Variants in KIF23 observed in about 807,000 individuals in gnomAD.
KIF23 encodes the protein kinesin family member 23.
KIF23 carries 30 observed loss-of-function variants against 137.5 expected under a neutral mutation model. The observed-to-expected ratio is 0.22, with a 90% CI of 0.16 to 0.30. The LOEUF is 0.30. Among genes scored for constraint, KIF23 ranks in the 10% least tolerant of loss-of-function variants. The probability of loss-of-function intolerance (pLI) is 1.00; values close to 1 mark genes in which losing one functional copy is unlikely to be tolerated. For missense variants in KIF23, 920 were observed against 1,194.3 expected (o/e 0.77, Z 3.38); for synonymous variants, 367 against 391.1 (o/e 0.94, Z 0.73).
intron 11 of KIF23, among the ~76,000 whole-genome samples, chr15:69,433,272 A>G (rs2057398098): frequency 6.6e-6 from 1 of 152,248 alleles, no homozygotes; most frequent in Admixed American, 6.5e-5. Context: ...GCCAAGGGTG[A>G]AAGCATAATC....
rs1379403796 is a variant in KIF23, at chr15:69,444,612, G to C, written c.2422-178G>C. On this transcript the variant is annotated intron_variant, in intron 19 of 23. Transcript: ENST00000679126. The surrounding 1 kb of genome is among the most constrained non-coding windows in gnomAD (Gnocchi z 4.2). ...AGATAGAATGTGTAACATACAAGTT[G>C]GTGTTAAAGATGTTTGTTGGTTTTG... The C allele has an allele frequency of 1.6e-6, 1 of 611,650 alleles. No individual in the cohort carries two copies. Among genetic ancestry groups the C allele is most frequent in the Non-Finnish European group, 2.8e-6 (1 of 361,204 alleles). The allele number at this position is 611,650 out of a possible 1,614,324, so 37.9% of individuals were successfully genotyped here. A position where few individuals can be genotyped will look rare whatever the true frequency, so the allele number is the denominator to read the frequency against.
At chr15:69,422,958 G>C (rs557767472) in intron 6 of KIF23, 5 of 412,404 alleles carry the variant, frequency 1.2e-5, no homozygotes, top group Non-Finnish European at 1.3e-5. Flanking sequence ...ACGCCACCAT[G>C]CCCGGCTAAT....
At position 69,434,826 on chromosome 15, in the gene KIF23, G is replaced by GCA. The variant is rs1460135382; in HGVS notation, c.1115-656_1115-655dup. 6 of 948,050 alleles carry GCA rather than the reference G, an allele frequency of 6.3e-6. No homozygotes were observed. The African/African-American group carries it at 9.7e-5, about 15-fold the overall frequency. 58.7% of individuals were successfully genotyped at this position (948,050 alleles called of 1,614,324 possible). A position where few individuals can be genotyped will look rare whatever the true frequency, so the allele number is the denominator to read the frequency against. Reference sequence around the variant, plus strand: ...CTTGCACTCATCCTGCACGTCCCTGGCAGTAATGTCCAGGCACAGGGCATA... The same window carrying GCA: ...CTTGCACTCATCCTGCACGTCCCTGGCACAGTAATGTCCAGGCACAGGGCATA... On this transcript the variant is annotated intron_variant, in intron 11 of 23. Transcript: ENST00000679126.
chr15:69,426,288 T>G, intron 9 of KIF23, 48 bp from the exon 10 acceptor site: 1 of 1,610,174 alleles, frequency 6.2e-7, no homozygotes, highest in Non-Finnish European at 8.5e-7. Context: ...GCATGTATAA[T>G]GAAATGACTG....
Position 69,439,782 on chromosome 15 carries a change from T to G in KIF23, c.1756-122T>G, listed in dbSNP as rs145838666. On this transcript the variant is annotated intron_variant, in intron 16 of 23. Transcript: ENST00000679126. ...TCAGATGAAATGTTAGAGAAAAAAG[T>G]GCTTTCTCCATGATGTTTCTTTCCA... 9.6e-5 allele frequency: 58 copies of G among 605,872 alleles called. No homozygotes were observed. In the African/African-American group the frequency reaches 1.0e-3, roughly 11 times the overall value. 37.5% of individuals were successfully genotyped at this position (605,872 alleles called of 1,614,324 possible).
intron 3 of KIF23, among the ~76,000 whole-genome samples, chr15:69,421,193 C>T (rs1230643602): frequency 2.0e-5 from 3 of 151,988 alleles, no homozygotes; most frequent in Admixed American, 1.3e-4. Flanking sequence ...AGGAGTTTGA[C>T]ACCAGCCTAA....
intron 6 of KIF23, chr15:69,422,860 G>A (rs2057093279): frequency 3.3e-6 from 1 of 299,498 alleles, no homozygotes; most frequent in Non-Finnish European, 6.2e-6. Context: ...GAGTGCAGTG[G>A]CATGATCTCG....
At chr15:69,436,534 C>T in intron 14 of KIF23, 30 bp from the exon 15 acceptor site, 3 of 1,569,018 alleles carry the variant, frequency 1.9e-6, no homozygotes, top group Non-Finnish European at 1.7e-6. Flanking sequence ...TCCTATGTAA[C>T]TTTTTGTAAT....
rs371849851 is a variant in KIF23, at chr15:69,440,183, G to A, written c.1929+106G>A. 143 of 1,497,708 alleles carry A rather than the reference G, an allele frequency of 9.5e-5. 4 individuals are homozygous for A. The highest frequency in any genetic ancestry group is 9.1e-4 in the East Asian group (40 of 44,080). The allele number at this position is 1,497,708 out of a possible 1,614,324, so 92.8% of individuals were successfully genotyped here. ...TTGTATTTGCGGTAGGGTTTTGGTGGTGGTTGTTAACTCTCAGGAAGAATT... is the reference window on the plus strand; with the variant it reads ...TTGTATTTGCGGTAGGGTTTTGGTGATGGTTGTTAACTCTCAGGAAGAATT... On this transcript the variant is annotated intron_variant, in intron 17 of 23. Coordinates refer to ENST00000679126, the MANE Select transcript of KIF23 (RefSeq NM_001367805.3).
chr15:69,440,246 A>T lies in KIF23; in HGVS notation c.1930-62A>T, dbSNP rs539319924. ...TTTTTAGGAAATAAAGAGATTGGGT[A>T]ATCTGGTGTACTCGTTTGCTGTGAT... On this transcript the variant is annotated intron_variant, in intron 17 of 23. Coordinates refer to ENST00000679126, the MANE Select transcript of KIF23 (RefSeq NM_001367805.3). 11 of 1,542,242 alleles carry T rather than the reference A, an allele frequency of 7.1e-6. No homozygotes were observed. The East Asian group carries it at 2.3e-4, about 32-fold the overall frequency.
chr15:69,434,733 G>T, intron 11 of KIF23: 1 of 1,316,842 alleles, frequency 7.6e-7, no homozygotes, highest in East Asian at 2.4e-5. Context: ...CTTCTCCTTG[G>T]GCACGAACGC....
intron 23 of KIF23, 135 bp downstream of exon 23, chr15:69,447,076 C>T (rs1337481791): frequency 2.5e-6 from 2 of 811,160 alleles, no homozygotes; most frequent in African/African-American, 3.4e-5. Flanking sequence ...CTTGGACTAT[C>T]TGGGCCTCCA....
chr15:69,427,839 T>C (rs561706518), intron 10 of KIF23, among the ~76,000 whole-genome samples: 1 of 152,244 alleles, frequency 6.6e-6, no homozygotes, highest in South Asian at 2.1e-4. Context: ...CTCATTTCTA[T>C]TTATTTACCG....
In KIF23 at chr15:69,428,685, A is replaced by C. The variant is rs12900202; in HGVS notation, c.1012-426A>C. On this transcript the variant is annotated intron_variant, in intron 10 of 23. Transcript: ENST00000679126. ...CAAAAAAAAAAAAAAAAAAAAAAAAACAAAAGAATTATTTATAGCATTATG... is the reference window on the plus strand; with the variant it reads ...CAAAAAAAAAAAAAAAAAAAAAAAACCAAAAGAATTATTTATAGCATTATG... Among the ~76,000 whole-genome samples, 105 of 113,408 alleles carry C rather than the reference A, an allele frequency of 9.3e-4. 1 individual carries two copies. Among genetic ancestry groups the C allele is most frequent in the Non-Finnish European group, 1.1e-3 (56 of 50,612 alleles). The allele number at this position is 113,408 out of a possible 152,430, so 74.4% of individuals were successfully genotyped here.
chr15:69,440,267 G>A (rs767088438), intron 17 of KIF23, 41 bp from the exon 18 acceptor site: 6 of 1,580,866 alleles, frequency 3.8e-6, no homozygotes, highest in Non-Finnish European at 5.2e-6. Context: ...CTCGTTTGCT[G>A]TGATGGAATG....
intron 11 of KIF23, among the ~76,000 whole-genome samples, chr15:69,431,613 CAA>C (rs58235050): frequency 1.0e-3 from 139 of 136,828 alleles, no homozygotes; most frequent in Non-Finnish European, 1.0e-3. Context: ...GACTCCGTCT[CAA>C]AAAAAAAAAA....
intron 11 of KIF23, chr15:69,434,823 C>T: frequency 1.0e-6 from 1 of 966,062 alleles, no homozygotes; most frequent in Non-Finnish European, 1.6e-6. Context: ...CTGCACGTCC[C>T]TGGCAGTAAT....
chr15:69,429,509 G>A (rs1166775427), intron 11 of KIF23, among the ~76,000 whole-genome samples: 3 of 151,970 alleles, frequency 2.0e-5, no homozygotes, highest in Non-Finnish European at 4.4e-5. Context: ...GTCTCCTTAT[G>A]TTGCCCAGGC....
chr15:69,439,866 A>G, intron 16 of KIF23, 38 bp from the exon 17 acceptor site: 2 of 1,459,836 alleles, frequency 1.4e-6, no homozygotes, highest in Non-Finnish European at 1.9e-6. Context: ...TGAAATGTTT[A>G]TATACCAAAT....
Sources: gnomAD v4.1 joint callset for allele counts (sites outside exome capture counted in the v4.1 genomes callset) on GRCh38, gnomAD v4.1.1 for gene constraint, Gnocchi (gnomAD v3.1) non-coding constraint, MANE v1.5 for transcripts, NCBI Gene and HGNC (gene_info 2026-07-23, HGNC 2026-07-21) for gene names.